Variants in RPS6KC1 observed in about 807,000 individuals in gnomAD.
RPS6KC1 encodes the protein inactive ribosomal protein S6 kinase delta-1.
In RPS6KC1, 54 loss-of-function variants were observed where a neutral mutation model predicts 103.8. The observed-to-expected ratio is 0.52, with a 90% CI of 0.42 to 0.65. The LOEUF is 0.65. Ranked by LOEUF, RPS6KC1 falls within the 30% of genes least tolerant of loss-of-function variation. The pLI, the probability that RPS6KC1 is intolerant of heterozygous loss-of-function variation, is 0.00. For synonymous variants in RPS6KC1, 439 were observed against 438.7 expected (o/e 1.00, Z -0.01); for missense variants, 1,151 against 1,253.8 (o/e 0.92, Z 1.24).
chr1:213,693,703 AGAG>A, the RPS6KC1 span, among the ~76,000 whole-genome samples: 2 of 152,240 alleles, frequency 1.3e-5, no homozygotes, highest in East Asian at 3.8e-4. Context: ...AAGCCAAATC[AGAG>A]GAGGACATTG....
chr1:213,485,724 G>A, the RPS6KC1 span, among the ~76,000 whole-genome samples: 1 of 152,166 alleles, frequency 6.6e-6, no homozygotes, highest in Admixed American at 6.5e-5. Context: ...TTCATGGGGT[G>A]CTATCAGAGT....
chr1:213,707,777 A>C, the RPS6KC1 span, among the ~76,000 whole-genome samples: 1 of 152,222 alleles, frequency 6.6e-6, no homozygotes, highest in African/African-American at 2.4e-5. Context: ...CAGTTTTCTC[A>C]ACACCATTTA....
the RPS6KC1 span, among the ~76,000 whole-genome samples, chr1:213,484,697 T>C: frequency 6.6e-6 from 1 of 152,214 alleles, no homozygotes; most frequent in Non-Finnish European, 1.5e-5. Context: ...ACCTTCTAAG[T>C]TAATTCTTTG....
At chr1:213,193,159 G>T (rs1489354610) in intron 8 of RPS6KC1, among the ~76,000 whole-genome samples, 1 of 152,026 alleles carries the variant, frequency 6.6e-6, no homozygotes, top group African/African-American at 2.4e-5. Flanking sequence ...CTGAGGCAAA[G>T]AATGTATTTT....
chr1:213,205,318 T>G (rs2093306566), intron 8 of RPS6KC1: 1 of 984,770 alleles, frequency 1.0e-6, no homozygotes, highest in Non-Finnish European at 1.2e-6. Context: ...GACAGCAAGC[T>G]AGATAAAGAT....
chr1:213,770,757 T>G, the RPS6KC1 span, among the ~76,000 whole-genome samples: 792 of 152,330 alleles, frequency 5.2e-3, 12 homozygotes, highest in Admixed American at 0.03. Context: ...AATGGGATGC[T>G]TTTGGCTCTT....
the RPS6KC1 span, among the ~76,000 whole-genome samples, chr1:213,803,036 C>T: frequency 1.3e-5 from 2 of 152,126 alleles, no homozygotes; most frequent in Admixed American, 1.3e-4. Context: ...ATCTTCACTC[C>T]TCACAATAAA....
chr1:213,808,433 CCA>C, the RPS6KC1 span, among the ~76,000 whole-genome samples: 2 of 152,238 alleles, frequency 1.3e-5, no homozygotes, highest in South Asian at 2.1e-4. Context: ...TGGGCTCCAC[CCA>C]GTTGGAGCTT....
intron 3 of RPS6KC1, among the ~76,000 whole-genome samples, chr1:213,094,705 A>G (rs1431128481): frequency 2.6e-5 from 4 of 152,194 alleles, no homozygotes; most frequent in Non-Finnish European, 4.4e-5. Flanking sequence ...GGAATTCACA[A>G]TTAGGCTGTG....
the RPS6KC1 span, among the ~76,000 whole-genome samples, chr1:213,300,837 T>C: frequency 2.0e-5 from 3 of 152,192 alleles, no homozygotes; most frequent in East Asian, 5.8e-4. Context: ...GTAAAACAAC[T>C]TTCTGGTGTC....
At chr1:213,221,494 T>G (rs2093831018) in intron 8 of RPS6KC1, among the ~76,000 whole-genome samples, 1 of 152,182 alleles carries the variant, frequency 6.6e-6, no homozygotes. Context: ...ATGGTAAACC[T>G]TCAGGCTGCC....
chr1:213,245,742 A>G (rs540453683), intron 12 of RPS6KC1, among the ~76,000 whole-genome samples: 2 of 152,294 alleles, frequency 1.3e-5, no homozygotes, highest in East Asian at 3.9e-4. Flanking sequence ...TGCTCTATAA[A>G]TAAGTTTAAA....
At chr1:213,261,710 C>A (rs570161452) in intron 13 of RPS6KC1, 70 bp downstream of exon 13, 2 of 1,316,172 alleles carry the variant, frequency 1.5e-6, no homozygotes, top group Admixed American at 1.8e-5. Context: ...AGAACATTAG[C>A]CTTCACCCTT....
the RPS6KC1 span, among the ~76,000 whole-genome samples, chr1:213,583,555 T>A: frequency 6.6e-6 from 1 of 152,082 alleles, no homozygotes; most frequent in African/African-American, 2.4e-5. Flanking sequence ...GCACGATGGC[T>A]CATGACTGTA....
chr1:213,380,058 A>G, the RPS6KC1 span, among the ~76,000 whole-genome samples: 2 of 152,242 alleles, frequency 1.3e-5, no homozygotes, highest in Admixed American at 6.5e-5. Flanking sequence ...TCAATAGCCA[A>G]TACATGGAAT....
chr1:213,180,636 A>G lies in RPS6KC1; in HGVS notation c.1044+4144A>G, dbSNP rs962635142. On this transcript the variant is annotated intron_variant, in intron 8 of 14. Coordinates refer to ENST00000366960, the MANE Select transcript of RPS6KC1 (RefSeq NM_012424.6). ...AGGTTTATTTACATAGTCTTTGTGT[A>G]GCAATAGCAGGGGAGAGAAGAAATT... Among the ~76,000 whole-genome samples, 3 of 152,194 alleles carry G rather than the reference A, an allele frequency of 2.0e-5. No homozygotes were observed. The East Asian group carries it at 5.8e-4, about 29-fold the overall frequency.
intron 6 of RPS6KC1, among the ~76,000 whole-genome samples, chr1:213,151,913 TGGCCGGGCGGGG>T: frequency 8.8e-6 from 1 of 113,242 alleles, no homozygotes; most frequent in Non-Finnish European, 1.8e-5. Context: ...ACGGGGCGGC[TGGCCGGGCGGGG>T]GGCTGACCCC....
At chr1:213,805,462 CA>C in the RPS6KC1 span, among the ~76,000 whole-genome samples, 1 of 152,118 alleles carries the variant, frequency 6.6e-6, no homozygotes, top group South Asian at 2.1e-4. Flanking sequence ...GATTTCATCT[CA>C]AAAAAACCAC....
the RPS6KC1 span, among the ~76,000 whole-genome samples, chr1:213,441,965 T>G: frequency 1.3e-5 from 2 of 152,226 alleles, no homozygotes; most frequent in Non-Finnish European, 2.9e-5. Context: ...CATAAATTTA[T>G]ACAGTTATAA....
Sources: gnomAD v4.1 joint callset for allele counts (sites outside exome capture counted in the v4.1 genomes callset) on GRCh38, gnomAD v4.1.1 for gene constraint, MANE v1.5 for transcripts, NCBI Gene and HGNC (gene_info 2026-07-23, HGNC 2026-07-21) for gene names.